Variants in JAKMIP1 observed in about 807,000 individuals in gnomAD.
JAKMIP1 encodes the protein janus kinase and microtubule-interacting protein 1.
JAKMIP1 carries 33 observed loss-of-function variants against 113.0 expected under a neutral mutation model. The ratio of observed to expected loss-of-function variants is 0.29; its 90% CI spans 0.22 to 0.39. JAKMIP1 has a LOEUF of 0.39. Ranked by LOEUF, JAKMIP1 falls within the 10% of genes least tolerant of loss-of-function variation. The pLI is 1.00. For synonymous variants in JAKMIP1, 480 were observed against 459.9 expected, an observed-to-expected ratio of 1.04 and a Z score of -0.56; for missense variants, 813 against 1,080.5, an observed-to-expected ratio of 0.75 and a Z score of 3.47.
rs1029236349 is a variant in JAKMIP1 at position 6,069,839 on chromosome 4, T to A, written c.1303-4831A>T. The stretch of plus-strand genomic sequence containing the variant: ...CATTTACACTTTGCATATACAGAGG[T>A]GCTCTTCCTCAGCGGGTCAGATGAA... On this transcript the variant is annotated intron_variant, in intron 8 of 20. Coordinates refer to ENST00000409021, the MANE Select transcript of JAKMIP1 (RefSeq NM_001099433.2). This position sits in a 1 kb window ranked among gnomAD's most constrained non-coding sequence, Gnocchi z 4.5. Among the ~76,000 whole-genome samples, 1 of 150,898 alleles carries A rather than the reference T, an allele frequency of 6.6e-6. No individual in the cohort carries two copies. The highest frequency in any genetic ancestry group is 1.5e-5 in the Non-Finnish European group (1 of 67,904).
In JAKMIP1 at chr4:6,136,451, G is replaced by A. The variant is rs898031401; in HGVS notation, c.-147-23454C>T. ...CACGACGTTGAGGGACCTGCTGGAA[G>A]GAACTCGGTATCAGTCCAGAGTGAT... On this transcript the variant is annotated intron_variant, in intron 1 of 20. Coordinates refer to ENST00000409021, the MANE Select transcript of JAKMIP1 (RefSeq NM_001099433.2). This position sits in a 1 kb window ranked among gnomAD's most constrained non-coding sequence, Gnocchi z 5.9. Among the ~76,000 whole-genome samples the A allele has an allele frequency of 6.6e-6, 1 of 152,140 alleles. No individual in the cohort carries two copies. The highest frequency in any genetic ancestry group is 1.5e-5 in the Non-Finnish European group (1 of 68,028).
rs1436086160 is a variant in JAKMIP1 at position 6,167,842 on chromosome 4, G to A, written c.-148+32411C>T. ...AAATTAAAAGACATCTGAGTGCACT[G>A]AATGCTTCGGTTTAGAGCATGCCAG... is the stretch of plus-strand genomic sequence containing the variant. On this transcript the variant is annotated intron_variant, in intron 1 of 20. Transcript: ENST00000409021. This position sits in a 1 kb window ranked among gnomAD's most constrained non-coding sequence, Gnocchi z 5.3. Among the ~76,000 whole-genome samples, 1 of 152,236 alleles carries A rather than the reference G, an allele frequency of 6.6e-6. No individual in the cohort carries two copies. Among genetic ancestry groups the A allele is most frequent in the Non-Finnish European group, 1.5e-5 (1 of 68,042 alleles).
At chr4:6,026,322 A>T in intron 20 of JAKMIP1, 44 bp from the exon 21 acceptor site, 1 of 1,009,202 alleles carries the variant, frequency 9.9e-7, no homozygotes, top group Non-Finnish European at 1.5e-6. Flanking sequence ...GAGAAGAAAA[A>T]GAAAAGAAAA....
chr4:6,036,230 G>A, intron 18 of JAKMIP1, 123 bp from the exon 19 acceptor site: 1 of 740,712 alleles, frequency 1.4e-6, no homozygotes. Context: ...GGGGCAACTG[G>A]CAGGGGCCAA....
chr4:6,107,756 G>GT (rs1560197909), intron 2 of JAKMIP1, among the ~76,000 whole-genome samples: 4 of 148,858 alleles, frequency 2.7e-5, no homozygotes, highest in African/African-American at 1.0e-4. Flanking sequence ...CTCTGTGGGG[G>GT]GTGTGTGTGT....
chr4:6,126,181 A>G (rs111203627), intron 1 of JAKMIP1, among the ~76,000 whole-genome samples: 248 of 149,992 alleles, frequency 1.7e-3, no homozygotes, highest in African/African-American at 5.7e-3. Flanking sequence ...AACGCACACC[A>G]TGCAGAAACA....
chr4:6,149,380 C>T (rs1467328878), intron 1 of JAKMIP1, among the ~76,000 whole-genome samples: 3 of 152,146 alleles, frequency 2.0e-5, no homozygotes, highest in African/African-American at 7.2e-5. Flanking sequence ...CCCAGGCCCA[C>T]CCAGGCCACC....
chr4:6,118,757 G>A (rs1560217825), intron 1 of JAKMIP1, among the ~76,000 whole-genome samples: 1 of 152,146 alleles, frequency 6.6e-6, no homozygotes, highest in Non-Finnish European at 1.5e-5. Context: ...GCTCTGGTTG[G>A]CCAACATGGG....
In JAKMIP1 at chr4:6,141,811, C is replaced by T. The variant is rs1207177117; in HGVS notation, c.-147-28814G>A. ...CAACCTCCCTGGCCACTGAGCAGCCCGGTGGGAGCGGAAGTTGATGTGGAA... is the reference window on the plus strand; with the variant it reads ...CAACCTCCCTGGCCACTGAGCAGCCTGGTGGGAGCGGAAGTTGATGTGGAA... On this transcript the variant is annotated intron_variant, in intron 1 of 20. Coordinates refer to ENST00000409021, the MANE Select transcript of JAKMIP1 (RefSeq NM_001099433.2). This position sits in a 1 kb window ranked among gnomAD's most constrained non-coding sequence, Gnocchi z 9.4. 1.3e-5 allele frequency among the ~76,000 whole-genome samples: 2 copies of T among 152,168 alleles called. No individual in the cohort carries two copies. The highest frequency in any genetic ancestry group is 2.4e-5 in the African/African-American group (1 of 41,448).
chr4:6,094,111 G>T lies in JAKMIP1; in HGVS notation c.625-8482C>A, dbSNP rs926249796. On this transcript the variant is annotated intron_variant, in intron 3 of 20. Coordinates refer to ENST00000409021, the MANE Select transcript of JAKMIP1 (RefSeq NM_001099433.2). The surrounding 1 kb of genome is among the most constrained non-coding windows in gnomAD (Gnocchi z 4.2). ...CTCCCCCGAGAGGCTGGCCCAGCAG[G>T]CATCTATATAGGGAACATGCATCGA... Among the ~76,000 whole-genome samples, 1 of 152,006 alleles carries T rather than the reference G, an allele frequency of 6.6e-6. No homozygotes were observed.
At chr4:6,126,373 A>AGAAACACT (rs1560233004) in intron 1 of JAKMIP1, among the ~76,000 whole-genome samples, 10 of 147,782 alleles carry the variant, frequency 6.8e-5, no homozygotes, top group African/African-American at 2.1e-4. Context: ...ACACACATGC[A>AGAAACACT]CAAACACACA....
In JAKMIP1 at chr4:6,076,213, C is replaced by T. The variant is rs985033056; in HGVS notation, c.1302+2726G>A. 4.0e-5 allele frequency among the ~76,000 whole-genome samples: 6 copies of T among 150,826 alleles called. No homozygotes were observed. The highest frequency in any genetic ancestry group is 5.9e-5 in the Non-Finnish European group (4 of 67,952). On this transcript the variant is annotated intron_variant, in intron 8 of 20. Transcript: ENST00000409021. The surrounding 1 kb of genome is among the most constrained non-coding windows in gnomAD (Gnocchi z 4.8). Reference sequence around the variant, plus strand: ...GTAAATAAATAAAAAATAAAATAAACAAACAAACAAATAAATATAGACAAG... The same window carrying T: ...GTAAATAAATAAAAAATAAAATAAATAAACAAACAAATAAATATAGACAAG...
At chr4:6,041,154 C>T (rs953919164) in intron 17 of JAKMIP1, among the ~76,000 whole-genome samples, 2 of 152,156 alleles carry the variant, frequency 1.3e-5, no homozygotes, top group Non-Finnish European at 2.9e-5. Context: ...GCACACTTCT[C>T]CCTGCCTCCC....
intron 1 of JAKMIP1, among the ~76,000 whole-genome samples, chr4:6,174,535 C>T (rs987329576): frequency 3.3e-5 from 5 of 152,180 alleles, no homozygotes; most frequent in African/African-American, 9.7e-5. Flanking sequence ...GCCACATGCA[C>T]CAGAGCGAAC....
At chr4:6,072,029 T>C (rs1378077427) in intron 8 of JAKMIP1, among the ~76,000 whole-genome samples, 1 of 152,252 alleles carries the variant, frequency 6.6e-6, no homozygotes, top group Admixed American at 6.5e-5. Flanking sequence ...CCTTTCCTTT[T>C]GTTCCTAAGC....
Position 6,178,883 on chromosome 4 carries a change from G to A in JAKMIP1, c.-148+21370C>T, listed in dbSNP as rs1725703992. Among the ~76,000 whole-genome samples the A allele has an allele frequency of 6.6e-6, 1 of 152,176 alleles. No individual in the cohort carries two copies. Among genetic ancestry groups the A allele is most frequent in the Admixed American group, 6.5e-5 (1 of 15,284 alleles). On this transcript the variant is annotated intron_variant, in intron 1 of 20. Transcript: ENST00000409021. This position sits in a 1 kb window ranked among gnomAD's most constrained non-coding sequence, Gnocchi z 5.5. ...GATTAAGGTCCCTCCCTCTTCACAT[G>A]GGATTGTTCACCAGCTGTCTCCCTG... is the stretch of plus-strand genomic sequence containing the variant.
At position 6,087,017 on chromosome 4, in the gene JAKMIP1, A is replaced by G. The variant is rs1006740804; in HGVS notation, c.625-1388T>C. On this transcript the variant is annotated intron_variant, in intron 3 of 20. Coordinates refer to ENST00000409021, the MANE Select transcript of JAKMIP1 (RefSeq NM_001099433.2). ...CTGGCCTCCAGAACTGTATAGGAAC[A>G]CATTTCTGTCATGTTAAGCCATGAA... Among the ~76,000 whole-genome samples, 7 of 152,168 alleles carry G rather than the reference A, an allele frequency of 4.6e-5. No homozygotes were observed. In the East Asian group the frequency reaches 1.3e-3, roughly 29 times the overall value.
Position 6,167,767 on chromosome 4 carries a change from C to T in JAKMIP1, c.-148+32486G>A. Among the ~76,000 whole-genome samples, 1 of 152,224 alleles carries T rather than the reference C, an allele frequency of 6.6e-6. No individual in the cohort carries two copies. The highest frequency in any genetic ancestry group is 1.9e-4 in the East Asian group (1 of 5,190). On this transcript the variant is annotated intron_variant, in intron 1 of 20. Transcript: ENST00000409021. The surrounding 1 kb of genome is among the most constrained non-coding windows in gnomAD (Gnocchi z 5.3). ...AACTGCCCAAGGGCACGCGGCTTTTCCACGGCTCTATGGCTGTCTTAAATT... is the reference window on the plus strand; with the variant it reads ...AACTGCCCAAGGGCACGCGGCTTTTTCACGGCTCTATGGCTGTCTTAAATT...
chr4:6,179,603 C>A lies in JAKMIP1; in HGVS notation c.-148+20650G>T, dbSNP rs1378409115. Among the ~76,000 whole-genome samples, 1 of 152,220 alleles carries A rather than the reference C, an allele frequency of 6.6e-6. No individual in the cohort carries two copies. Among genetic ancestry groups the A allele is most frequent in the Non-Finnish European group, 1.5e-5 (1 of 68,042 alleles). On this transcript the variant is annotated intron_variant, in intron 1 of 20. Coordinates refer to ENST00000409021, the MANE Select transcript of JAKMIP1 (RefSeq NM_001099433.2). This position sits in a 1 kb window ranked among gnomAD's most constrained non-coding sequence, Gnocchi z 4.5. ...AGGTGACCCTGCTCATTGCACCAGG[C>A]AGAGAACAAGGGAAGGGAAGTGGCC... is the stretch of plus-strand genomic sequence containing the variant.
Sources: gnomAD v4.1 joint callset for allele counts (sites outside exome capture counted in the v4.1 genomes callset) on GRCh38, gnomAD v4.1.1 for gene constraint, Gnocchi (gnomAD v3.1) non-coding constraint, MANE v1.5 for transcripts, NCBI Gene and HGNC (gene_info 2026-07-23, HGNC 2026-07-21) for gene names.